The following TLX3 variants were observed in gnomAD, a reference collection of about 807,000 sequenced individuals.
TLX3 encodes the protein T cell leukemia homeobox 3, also known as T-cell leukemia homeobox protein 3.
In TLX3, 11 loss-of-function variants were observed where a neutral mutation model predicts 19.6. The ratio of observed to expected loss-of-function variants is 0.56; its 90% CI spans 0.35 to 0.93. The LOEUF (loss-of-function observed/expected upper bound fraction) is 0.93, where lower values mean the gene tolerates loss of function less well. TLX3 is among the 40% of genes least tolerant of loss of function. The pLI, the probability that TLX3 is intolerant of heterozygous loss-of-function variation, is 0.01. For missense variants in TLX3, 375 were observed against 418.6 expected, an observed-to-expected ratio of 0.90 and a Z score of 0.91; for synonymous variants, 221 against 188.1, an observed-to-expected ratio of 1.17 and a Z score of -1.43.
chr5:171,310,487 C>T, intron 2 of TLX3, 94 bp downstream of exon 2: 1 of 1,457,720 alleles, frequency 6.9e-7, no homozygotes, highest in Non-Finnish European at 9.2e-7. Flanking sequence ...TAAGGCTATC[C>T]ACTACCCCCG....
rs1290053571 is a variant in TLX3, at chr5:171,311,781, G to A, written c.*182G>A. On this transcript the variant is annotated 3_prime_UTR_variant, in exon 3 of 3. Coordinates refer to ENST00000296921, the MANE Select transcript of TLX3 (RefSeq NM_021025.4). The surrounding 1 kb of genome is among the most constrained non-coding windows in gnomAD (Gnocchi z 5.1). ...GAAGGGGGTAGGGCCCGAGCTCCGC[G>A]CGGCCGCACAATCCGAGCCCCCGCC... is the stretch of plus-strand genomic sequence containing the variant. 8 of 423,400 alleles carry A rather than the reference G, an allele frequency of 1.9e-5. No homozygotes were observed. In the South Asian group the frequency reaches 2.5e-4, roughly 13 times the overall value. 26.2% of individuals were successfully genotyped at this position (423,400 alleles called of 1,614,324 possible).
rs759532907 is a variant in TLX3 at position 171,311,623 on chromosome 5, A to C, written c.*24A>C. 6.4e-7 allele frequency: 1 copy of C among 1,571,936 alleles called. No homozygotes were observed. The highest frequency in any genetic ancestry group is 1.1e-5 in the South Asian group (1 of 87,438). The stretch of plus-strand genomic sequence containing the variant: ...GAGCCCACCAGCGCGCACCGTCGCC[A>C]CGGATCGCCGCCCCCACCCAGCCGG... On this transcript the variant is annotated 3_prime_UTR_variant, in exon 3 of 3. Transcript: ENST00000296921. The surrounding 1 kb of genome is among the most constrained non-coding windows in gnomAD (Gnocchi z 5.1).
In TLX3 at chr5:171,310,309, C is replaced by T; in HGVS notation, c.581C>T (p.Ala194Val). Reference sequence around the variant, plus strand: ...CATCGCCAGAAGTACCTGGCCTCTGCCGAGAGGGCGGCGCTCGCCAAGTCC... The same window carrying T: ...CATCGCCAGAAGTACCTGGCCTCTGTCGAGAGGGCGGCGCTCGCCAAGTCC... ...RFHRQKYLAS[A>V]ERAALAKSLK... The change falls in exon 2 of 3, where the codon GCC becomes GTC. Residue 194 changes from alanine (A) to valine (V), a missense_variant. Coordinates refer to ENST00000296921, the MANE Select transcript of TLX3 (RefSeq NM_021025.4). 2 of 1,607,056 alleles carry T rather than the reference C, an allele frequency of 1.2e-6. No individual in the cohort carries two copies. The highest frequency in any genetic ancestry group is 1.3e-5 in the African/African-American group (1 of 74,854).
At position 171,309,546 on chromosome 5, in the gene TLX3, G is replaced by T. The variant is rs1279805480; in HGVS notation, c.181G>T (p.Ala61Ser). Residue 61 changes from alanine (A) to serine (S), a missense_variant, in exon 1 of 3, where the codon GCC becomes TCC. Physicochemically the swap from Ala to Ser is moderately conservative, Grantham distance 99 (BLOSUM62 1). Transcript: ENST00000296921. ...RPGATYPSLP[A>S]SFAGLGAPFE... is the part of the protein sequence containing the mutation. ...GGGCGCCACATACCCGTCTCTGCCCGCCTCCTTTGCGGGCCTCGGCGCGCC... is the reference window on the plus strand; with the variant it reads ...GGGCGCCACATACCCGTCTCTGCCCTCCTCCTTTGCGGGCCTCGGCGCGCC... 3.8e-6 allele frequency: 6 copies of T among 1,576,008 alleles called. No homozygotes were observed. The highest frequency in any genetic ancestry group is 1.8e-5 in the Admixed American group (1 of 54,372).
Position 171,311,441 on chromosome 5 carries a change from A to G in TLX3, c.718A>G (p.Met240Val). Residue 240 changes from methionine (M) to valine (V), a missense_variant, in exon 3 of 3, where the codon ATG (methionine) becomes GTG (valine). This residue lies in a region of TLX3 where 62 missense variants were observed against 63.1 expected (regional missense o/e 0.98). Transcript: ENST00000296921. This position sits in a 1 kb window ranked among gnomAD's most constrained non-coding sequence, Gnocchi z 5.1. The stretch of plus-strand genomic sequence containing the variant: ...GGAGCGGCAGCAGGCGAGCCGGCTC[A>G]TGCTGCAGCTGCAACACGACGCCTT... ...EAERQQASRL[M>V]LQLQHDAFQK... 1 of 1,581,738 alleles carries G rather than the reference A, an allele frequency of 6.3e-7. No individual in the cohort carries two copies. Among genetic ancestry groups the G allele is most frequent in the Non-Finnish European group, 8.6e-7 (1 of 1,164,782 alleles).
rs761309156 is a variant in TLX3, at chr5:171,311,651, G to A, written c.*52G>A. 299 of 1,450,054 alleles carry A rather than the reference G, an allele frequency of 2.1e-4. 2 individuals are homozygous for A. Among genetic ancestry groups the A allele is most frequent in the Admixed American group, 1.2e-4 (6 of 50,928 alleles). 89.8% of individuals were successfully genotyped at this position (1,450,054 alleles called of 1,614,324 possible). On this transcript the variant is annotated 3_prime_UTR_variant, in exon 3 of 3. Coordinates refer to ENST00000296921, the MANE Select transcript of TLX3 (RefSeq NM_021025.4). This position sits in a 1 kb window ranked among gnomAD's most constrained non-coding sequence, Gnocchi z 5.1. ...GATCGCCGCCCCCACCCAGCCGGGCGCCCCGGACCCCCCAGGCGGGCTGCG... is the reference window on the plus strand; with the variant it reads ...GATCGCCGCCCCCACCCAGCCGGGCACCCCGGACCCCCCAGGCGGGCTGCG...
Position 171,309,333 on chromosome 5 carries a change from C to A in TLX3, c.-33C>A. ...TAACGGGGACCCAGCCGCCTCCCCG[C>A]CCAGCCCAGCCCAGCCCTTCCGCCC... On this transcript the variant is annotated 5_prime_UTR_variant, in exon 1 of 3. Transcript: ENST00000296921. 7 of 1,030,472 alleles carry A rather than the reference C, an allele frequency of 6.8e-6. No homozygotes were observed. The highest frequency in any genetic ancestry group is 2.5e-5 in the Admixed American group (1 of 40,204). The allele number at this position is 1,030,472 out of a possible 1,614,324, so 63.8% of individuals were successfully genotyped here.
rs370425875 is a variant in TLX3 at position 171,309,614 on chromosome 5, G to A, written c.249G>A (p.Ala83=). ...AGSYSVNLSL[A]PAGVIRVPAH... ...CTTACAGTGTGAACCTGAGCCTAGC[G>A]CCCGCAGGCGTGATCCGGGTGCCGG... The change falls in exon 1 of 3, where the codon GCG becomes GCA. Residue 83 remains alanine, a synonymous_variant. Coordinates refer to ENST00000296921, the MANE Select transcript of TLX3 (RefSeq NM_021025.4). The A allele has an allele frequency of 1.9e-6, 3 of 1,606,770 alleles. No homozygotes were observed. The highest frequency in any genetic ancestry group is 2.5e-6 in the Non-Finnish European group (3 of 1,177,580).
At chr5:171,309,807 G>T in intron 1 of TLX3, 21 bp downstream of exon 1, 1 of 1,565,762 alleles carries the variant, frequency 6.4e-7, no homozygotes, top group Non-Finnish European at 8.6e-7. Context: ...CTGGCGACCA[G>T]GCTCCAGGCC....
rs542013126 is a variant in TLX3, at chr5:171,311,756, G to T, written c.*157G>T. 337 of 520,044 alleles carry T rather than the reference G, an allele frequency of 6.5e-4. 4 individuals carry two copies. In the South Asian group the frequency reaches 8.5e-3, roughly 13 times the overall value. The allele number at this position is 520,044 out of a possible 1,614,324, so 32.2% of individuals were successfully genotyped here. The stretch of plus-strand genomic sequence containing the variant: ...CGCGGCCACAGACTGGCGGGCCGCG[G>T]AAGGGGGTAGGGCCCGAGCTCCGCG... On this transcript the variant is annotated 3_prime_UTR_variant, in exon 3 of 3. Transcript: ENST00000296921. This position sits in a 1 kb window ranked among gnomAD's most constrained non-coding sequence, Gnocchi z 5.1.
In TLX3 at chr5:171,311,350, G is replaced by A. The variant is rs1428654457; in HGVS notation, c.666-39G>A. On this transcript the variant is annotated intron_variant, in intron 2 of 2. Transcript: ENST00000296921. This position sits in a 1 kb window ranked among gnomAD's most constrained non-coding sequence, Gnocchi z 5.1. ...CCCGCCGGCGGCCCCGCGGTGCCGG[G>A]TGCATGACGGTACTGTCCCTCTCCC... 5 of 1,536,870 alleles carry A rather than the reference G, an allele frequency of 3.3e-6. No individual in the cohort carries two copies. The South Asian group carries it at 4.9e-5, about 15-fold the overall frequency.
In TLX3 at chr5:171,309,345, C is replaced by A. The variant is rs1376259781; in HGVS notation, c.-21C>A. 8 of 1,445,114 alleles carry A rather than the reference C, an allele frequency of 5.5e-6. No individual in the cohort carries two copies. Among genetic ancestry groups the A allele is most frequent in the Non-Finnish European group, 7.6e-6 (8 of 1,058,092 alleles). 89.5% of individuals were successfully genotyped at this position (1,445,114 alleles called of 1,614,324 possible). ...AGCCGCCTCCCCGCCCAGCCCAGCC[C>A]AGCCCTTCCGCCCGCCCAGGATGGA... is the stretch of plus-strand genomic sequence containing the variant. On this transcript the variant is annotated 5_prime_UTR_variant, in exon 1 of 3. Transcript: ENST00000296921.
intron 2 of TLX3, among the ~76,000 whole-genome samples, chr5:171,310,737 CA>C (rs1769206846): frequency 7.2e-6 from 1 of 139,732 alleles, no homozygotes. Context: ...CACAGGCACA[CA>C]CACACACACA....
chr5:171,311,244 G>A lies in TLX3; in HGVS notation c.666-145G>A. On this transcript the variant is annotated intron_variant, in intron 2 of 2. Coordinates refer to ENST00000296921, the MANE Select transcript of TLX3 (RefSeq NM_021025.4). The surrounding 1 kb of genome is among the most constrained non-coding windows in gnomAD (Gnocchi z 5.1). ...GGCTCCCTGGATATAAGAGCCTCGG[G>A]CGTAAAGCGCGGGCTGGGAGGCAGA... The A allele has an allele frequency of 3.1e-6, 2 of 648,312 alleles. No individual in the cohort carries two copies. Among genetic ancestry groups the A allele is most frequent in the South Asian group, 2.0e-5 (1 of 50,598 alleles). 40.2% of individuals were successfully genotyped at this position (648,312 alleles called of 1,614,324 possible).
rs1769221523 is a variant in TLX3 at position 171,311,485 on chromosome 5, C to T, written c.762C>T (p.Asp254=). Residue 254 remains aspartate, a synonymous_variant, in exon 3 of 3, where the codon GAC becomes GAT. Transcript: ENST00000296921. The surrounding 1 kb of genome is among the most constrained non-coding windows in gnomAD (Gnocchi z 5.1). The part of the protein sequence containing the change: ...QHDAFQKSLN[D]SIQPDPLCLH... Reference sequence around the variant, plus strand: ...ACGCCTTCCAAAAGAGCCTCAACGACTCCATCCAGCCTGACCCGCTCTGTC... The same window carrying T: ...ACGCCTTCCAAAAGAGCCTCAACGATTCCATCCAGCCTGACCCGCTCTGTC... 1.2e-6 allele frequency: 2 copies of T among 1,611,924 alleles called. No homozygotes were observed. Among genetic ancestry groups the T allele is most frequent in the South Asian group, 1.1e-5 (1 of 90,520 alleles).
intron 2 of TLX3, 103 bp downstream of exon 2, chr5:171,310,496 C>A: frequency 1.5e-5 from 21 of 1,411,606 alleles, no homozygotes; most frequent in East Asian, 2.5e-5. Flanking sequence ...CCACTACCCC[C>A]GCCCCCCTCT....
At position 171,309,405 on chromosome 5, in the gene TLX3, G is replaced by A. The variant is rs750076693; in HGVS notation, c.40G>A (p.Glu14Lys). Residue 14 changes from glutamate to lysine, a missense_variant, in exon 1 of 3, where the codon GAG becomes AAG. Physicochemically the swap from Glu to Lys is moderately conservative, Grantham distance 56. Coordinates refer to ENST00000296921, the MANE Select transcript of TLX3 (RefSeq NM_021025.4). ...CAGCGCGCAGACCCCGCACCCGCAC[G>A]AGCCCATCAGCTTCGGCATCGACCA... ...PASAQTPHPH[E>K]PISFGIDQIL... 8 of 1,355,318 alleles carry A rather than the reference G, an allele frequency of 5.9e-6. No individual in the cohort carries two copies. The highest frequency in any genetic ancestry group is 1.9e-5 in the Admixed American group (1 of 51,458). The allele number at this position is 1,355,318 out of a possible 1,614,324, so 84.0% of individuals were successfully genotyped here. A position where few individuals can be genotyped will look rare whatever the true frequency, so the allele number is the denominator to read the frequency against.
chr5:171,309,343 C>A lies in TLX3; in HGVS notation c.-23C>A, dbSNP rs1178620266. 5 of 1,479,614 alleles carry A rather than the reference C, an allele frequency of 3.4e-6. No individual in the cohort carries two copies. The highest frequency in any genetic ancestry group is 2.5e-5 in the East Asian group (1 of 40,652). 91.7% of individuals were successfully genotyped at this position (1,479,614 alleles called of 1,614,324 possible). ...CCAGCCGCCTCCCCGCCCAGCCCAG[C>A]CCAGCCCTTCCGCCCGCCCAGGATG... On this transcript the variant is annotated 5_prime_UTR_variant, in exon 1 of 3. Coordinates refer to ENST00000296921, the MANE Select transcript of TLX3 (RefSeq NM_021025.4).
chr5:171,311,259 TG>T lies in TLX3; in HGVS notation c.666-127del. On this transcript the variant is annotated intron_variant, in intron 2 of 2. Coordinates refer to ENST00000296921, the MANE Select transcript of TLX3 (RefSeq NM_021025.4). This position sits in a 1 kb window ranked among gnomAD's most constrained non-coding sequence, Gnocchi z 5.1. ...AGAGCCTCGGGCGTAAAGCGCGGGC[TG>T]GGAGGCAGACGGGTTCTGCGCCTCG... 1 of 713,892 alleles carries T rather than the reference TG, an allele frequency of 1.4e-6. No individual in the cohort carries two copies. The highest frequency in any genetic ancestry group is 2.3e-6 in the Non-Finnish European group (1 of 440,794). 44.2% of individuals were successfully genotyped at this position (713,892 alleles called of 1,614,324 possible).
Sources: gnomAD v4.1 joint callset for allele counts (sites outside exome capture counted in the v4.1 genomes callset) on GRCh38, gnomAD v4.1.1 for gene constraint, gnomAD v4.1.1 regional missense constraint, Gnocchi (gnomAD v3.1) non-coding constraint, MANE v1.5 for transcripts, NCBI Gene and HGNC (gene_info 2026-07-23, HGNC 2026-07-21) for gene names.